ZNF407: variants seen among roughly 807,000 people sequenced by gnomAD.
ZNF407 encodes zinc finger protein 407.
A neutral mutation model predicts 131.2 loss-of-function variants in ZNF407; 17 were observed. That is an observed-to-expected ratio of 0.13 (90% confidence interval 0.09 to 0.19). The LOEUF (loss-of-function observed/expected upper bound fraction) is 0.19. ZNF407 is among the 10% of genes least tolerant of loss of function. The pLI, the probability that ZNF407 is intolerant of heterozygous loss-of-function variation, is 1.00. For missense variants in ZNF407, 2,681 were observed against 2,830.6 expected (o/e 0.95, Z 1.20); for synonymous variants, 1,156 against 1,062.0 (o/e 1.09, Z -1.72).
At chr18:74,874,653 G>A (rs1971131665) in intron 4 of ZNF407, among the ~76,000 whole-genome samples, 2 of 152,150 alleles carry the variant, frequency 1.3e-5, no homozygotes, top group South Asian at 2.1e-4. Context: ...GTTTTTAAAT[G>A]TCTAAATTAA....
intron 8 of ZNF407, among the ~76,000 whole-genome samples, chr18:75,035,676 A>G (rs1285614010): frequency 6.6e-6 from 1 of 152,252 alleles, no homozygotes; most frequent in Non-Finnish European, 1.5e-5. Flanking sequence ...TCCTGCAGCT[A>G]GAAGAGCTCC....
chr18:74,737,791 C>T (rs1196865227), intron 3 of ZNF407, among the ~76,000 whole-genome samples: 1 of 152,072 alleles, frequency 6.6e-6, no homozygotes, highest in Non-Finnish European at 1.5e-5. Context: ...TTTTAAAATT[C>T]TTGGGGATGT....
intron 8 of ZNF407, among the ~76,000 whole-genome samples, chr18:74,991,081 T>A (rs537056639): frequency 6.6e-6 from 1 of 152,358 alleles, no homozygotes; most frequent in Admixed American, 6.5e-5. Context: ...TAGTTCAGCT[T>A]ACTTGCACAT....
At chr18:75,051,543 A>G (rs1204683123) in intron 8 of ZNF407, among the ~76,000 whole-genome samples, 1 of 152,226 alleles carries the variant, frequency 6.6e-6, no homozygotes, top group Admixed American at 6.5e-5. Flanking sequence ...GTCACTCTTC[A>G]TGAAGCAGAG....
intron 1 of ZNF407, among the ~76,000 whole-genome samples, chr18:74,626,276 G>GT (rs1484058659): frequency 6.6e-6 from 1 of 152,244 alleles, no homozygotes; most frequent in Non-Finnish European, 1.5e-5. Context: ...ATGCAAAACA[G>GT]TACAGGCACT....
intron 3 of ZNF407, among the ~76,000 whole-genome samples, chr18:74,649,101 T>C (rs1020012421): frequency 6.6e-6 from 1 of 152,276 alleles, no homozygotes; most frequent in African/African-American, 2.4e-5. Context: ...CTGTAGAATA[T>C]GCTACTATCT....
intron 1 of ZNF407, among the ~76,000 whole-genome samples, chr18:74,609,760 C>T (rs1007502799): frequency 5.9e-5 from 9 of 152,174 alleles, no homozygotes; most frequent in Admixed American, 1.3e-4. Flanking sequence ...GTTTCAGCTC[C>T]GTTGTAATGA....
At chr18:74,965,251 T>C (rs2145296887) in intron 8 of ZNF407, among the ~76,000 whole-genome samples, 2 of 152,322 alleles carry the variant, frequency 1.3e-5, no homozygotes, top group South Asian at 4.1e-4. Flanking sequence ...GTCTTATTTA[T>C]TCTTTCCAAT....
chr18:74,972,206 A>G (rs1175007980), intron 8 of ZNF407, among the ~76,000 whole-genome samples: 1 of 152,084 alleles, frequency 6.6e-6, no homozygotes, highest in African/African-American at 2.4e-5. Flanking sequence ...TGTGATTTCC[A>G]GCATCCCGAG....
At chr18:74,850,348 T>A (rs1414338533) in intron 4 of ZNF407, among the ~76,000 whole-genome samples, 1 of 152,178 alleles carries the variant, frequency 6.6e-6, no homozygotes, top group African/African-American at 2.4e-5. Flanking sequence ...CTAAAAAACT[T>A]GAGATGGGTC....
rs1173169666 is a variant in ZNF407 at position 74,634,829 on chromosome 18, A to T, written c.3810A>T (p.Ile1270=). The T allele has an allele frequency of 2.5e-6, 4 of 1,613,838 alleles. No homozygotes were observed. The African/African-American group carries it at 4.0e-5, about 16-fold the overall frequency. ...AESPVLVVTR[I]TREQGNLESG... is the part of the protein sequence containing the mutation. ...GCCCTGTGCTCGTTGTGACAAGAATAACCAGAGAACAGGGAAATCTGGAGA... is the reference window on the plus strand; with the variant it reads ...GCCCTGTGCTCGTTGTGACAAGAATTACCAGAGAACAGGGAAATCTGGAGA... Residue 1270 remains isoleucine (I), a synonymous_variant, in exon 2 of 9, where the codon ATA becomes ATT. Transcript: ENST00000299687.
rs377058054 is a variant in ZNF407 at position 74,997,301 on chromosome 18, C to T, written c.5429-65849C>T. 4.6e-5 allele frequency among the ~76,000 whole-genome samples: 7 copies of T among 152,150 alleles called. No individual in the cohort carries two copies. In the South Asian group the frequency reaches 1.0e-3, roughly 23 times the overall value. ...ACGAATCCCATCAACTCAACAGTTC[C>T]GTGAATGATCAGGTTCAGTCCTTGT... On this transcript the variant is annotated intron_variant, in intron 8 of 8. Transcript: ENST00000299687.
intron 8 of ZNF407, among the ~76,000 whole-genome samples, chr18:75,055,799 C>CAATT (rs916301003): frequency 6.6e-6 from 1 of 152,078 alleles, no homozygotes; most frequent in African/African-American, 2.4e-5. Context: ...GCACCCATGG[C>CAATT]AATTAAGAAA....
At chr18:74,718,649 ACTGTACTC>A (rs1967953973) in intron 3 of ZNF407, among the ~76,000 whole-genome samples, 1 of 152,110 alleles carries the variant, frequency 6.6e-6, no homozygotes, top group African/African-American at 2.4e-5. Flanking sequence ...GCTGTGTGCC[ACTGTACTC>A]AGCTTTGTTA....
chr18:74,741,980 C>T (rs373054586), intron 3 of ZNF407, among the ~76,000 whole-genome samples: 1 of 152,096 alleles, frequency 6.6e-6, no homozygotes, highest in African/African-American at 2.4e-5. Context: ...GAATTTTACA[C>T]CAAGTGGGAA....
At chr18:74,874,335 C>T (rs758297769) in intron 4 of ZNF407, among the ~76,000 whole-genome samples, 8 of 152,208 alleles carry the variant, frequency 5.3e-5, no homozygotes, top group Non-Finnish European at 8.8e-5. Flanking sequence ...TGAATTTTTG[C>T]AAAACAGACC....
intron 7 of ZNF407, among the ~76,000 whole-genome samples, chr18:74,911,325 T>C (rs2145223979): frequency 6.6e-6 from 1 of 152,326 alleles, no homozygotes; most frequent in Non-Finnish European, 1.5e-5. Flanking sequence ...TGCCTACTTA[T>C]TTTATAGAGC....
intron 4 of ZNF407, among the ~76,000 whole-genome samples, chr18:74,816,227 G>T (rs1970265834): frequency 6.6e-6 from 1 of 152,046 alleles, no homozygotes; most frequent in African/African-American, 2.4e-5. Flanking sequence ...TGACTTTGAG[G>T]TGAAAAATTA....
chr18:74,869,441 C>T (rs1295504792), intron 4 of ZNF407, among the ~76,000 whole-genome samples: 1 of 152,196 alleles, frequency 6.6e-6, no homozygotes, highest in Non-Finnish European at 1.5e-5. Flanking sequence ...AGGGCAGCCT[C>T]TGACTGGAAT....
Sources: gnomAD v4.1 joint callset for allele counts (sites outside exome capture counted in the v4.1 genomes callset) on GRCh38, gnomAD v4.1.1 for gene constraint, MANE v1.5 for transcripts, NCBI Gene and HGNC (gene_info 2026-07-23, HGNC 2026-07-21) for gene names.